TTLL11: variants seen among roughly 807,000 people sequenced by gnomAD.
The protein encoded by TTLL11 is tubulin tyrosine ligase like 11.
TTLL11 carries 42 observed loss-of-function variants against 51.7 expected under a neutral mutation model. The ratio of observed to expected loss-of-function variants is 0.81; its 90% CI spans 0.64 to 1.05. The LOEUF (loss-of-function observed/expected upper bound fraction) is 1.05, where lower values mean the gene tolerates loss of function less well. TTLL11 is among the 50% of genes least tolerant of loss of function. The probability of loss-of-function intolerance (pLI) is 0.00; values close to 1 mark genes in which losing one functional copy is unlikely to be tolerated. For synonymous variants in TTLL11, 381 were observed against 383.5 expected (o/e 0.99, Z 0.08); for missense variants, 799 against 940.4 (o/e 0.85, Z 1.97).
intron 8 of TTLL11, among the ~76,000 whole-genome samples, chr9:121,843,605 G>A (rs1837426406): frequency 6.6e-6 from 1 of 152,222 alleles, no homozygotes; most frequent in Non-Finnish European, 1.5e-5. Context: ...TTTGGAATAT[G>A]CCTAGAGCAC....
At chr9:121,940,559 C>G (rs567073038) in intron 6 of TTLL11, among the ~76,000 whole-genome samples, 1 of 151,970 alleles carries the variant, frequency 6.6e-6, no homozygotes, top group Non-Finnish European at 1.5e-5. Flanking sequence ...CACTATGTCT[C>G]GAACTCCTGA....
At chr9:122,049,651 T>C (rs1845107666) in intron 1 of TTLL11, among the ~76,000 whole-genome samples, 1 of 152,210 alleles carries the variant, frequency 6.6e-6, no homozygotes, top group South Asian at 2.1e-4. Context: ...AAAATAGTCA[T>C]GTTCAAATGA....
At chr9:122,057,854 G>A (rs758622749) in intron 1 of TTLL11, among the ~76,000 whole-genome samples, 14 of 152,120 alleles carry the variant, frequency 9.2e-5, no homozygotes, top group Non-Finnish European at 1.6e-4. Flanking sequence ...CATAAAAATA[G>A]TTATGCCCTT....
intron 7 of TTLL11, 84 bp downstream of exon 7, chr9:121,870,413 C>A: frequency 6.8e-7 from 1 of 1,472,984 alleles, no homozygotes; most frequent in South Asian, 1.4e-5. Context: ...CTCCCGAGCG[C>A]AGTCAGGGAG....
At position 121,857,364 on chromosome 9, in the gene TTLL11, C is replaced by T. The variant is rs1001823068; in HGVS notation, c.1840+2973G>A. Among the ~76,000 whole-genome samples, 3 of 152,270 alleles carry T rather than the reference C, an allele frequency of 2.0e-5. No homozygotes were observed. In the East Asian group the frequency reaches 5.8e-4, roughly 29 times the overall value. On this transcript the variant is annotated intron_variant, in intron 8 of 8. Transcript: ENST00000321582. ...TGTAGCCCTGGATGGGGGGAGAGCA[C>T]CCTGGGTGAGGAGGTAGGAGGACTG...
chr9:121,865,916 C>T (rs1838161063), intron 7 of TTLL11, among the ~76,000 whole-genome samples: 1 of 152,120 alleles, frequency 6.6e-6, no homozygotes, highest in Non-Finnish European at 1.5e-5. Context: ...GCATAATTCA[C>T]TCCGAAAACT....
In TTLL11 at chr9:121,823,980, G is replaced by A. The variant is rs571099185; in HGVS notation, c.1841-1101C>T. ...CACTTCTCTTTGCAGCACCGGCTGC[G>A]ACTTGCTCTGTGTCTATCTGTCTGT... On this transcript the variant is annotated intron_variant, in intron 8 of 8. Transcript: ENST00000321582. Among the ~76,000 whole-genome samples, 6 of 152,212 alleles carry A rather than the reference G, an allele frequency of 3.9e-5. No homozygotes were observed. The East Asian group carries it at 5.8e-4, about 15-fold the overall frequency.
chr9:122,081,523 A>G (rs1846005210), intron 1 of TTLL11, among the ~76,000 whole-genome samples: 1 of 152,276 alleles, frequency 6.6e-6, no homozygotes, highest in Non-Finnish European at 1.5e-5. Context: ...CTTACTGCAC[A>G]AAGCCAAAGT....
chr9:121,950,959 T>C (rs1473607814), intron 6 of TTLL11, among the ~76,000 whole-genome samples: 1 of 152,176 alleles, frequency 6.6e-6, no homozygotes, highest in African/African-American at 2.4e-5. Flanking sequence ...TTGATGATGA[T>C]GACGAGGGGA....
chr9:121,994,418 T>C (rs1005689402), intron 3 of TTLL11, among the ~76,000 whole-genome samples: 1 of 152,192 alleles, frequency 6.6e-6, no homozygotes, highest in African/African-American at 2.4e-5. Flanking sequence ...TGAGCACTTA[T>C]TATGGGTCAG....
At chr9:121,945,005 C>T (rs1333692933) in intron 6 of TTLL11, among the ~76,000 whole-genome samples, 1 of 152,158 alleles carries the variant, frequency 6.6e-6, no homozygotes, top group Non-Finnish European at 1.5e-5. Flanking sequence ...AAAAAAATAC[C>T]ATTAGTGTTT....
In TTLL11 at chr9:121,819,378, G is replaced by A. The variant is rs967749835; in HGVS notation, c.*3209C>T. 1 of 152,360 alleles carries A rather than the reference G, an allele frequency of 6.6e-6. No homozygotes were observed. The highest frequency in any genetic ancestry group is 1.5e-5 in the Non-Finnish European group (1 of 68,218). 9.4% of individuals were successfully genotyped at this position (152,360 alleles called of 1,614,324 possible). A position where few individuals can be genotyped will look rare whatever the true frequency, so the allele number is the denominator to read the frequency against. On this transcript the variant is annotated 3_prime_UTR_variant, in exon 9 of 9. Transcript: ENST00000321582. The stretch of plus-strand genomic sequence containing the variant: ...CCCAAAGAAAGGGTAGGTGGGCCCA[G>A]TTCTGTGGGTCTGTCCTGTTCTCCT...
At chr9:122,001,804 C>T (rs1054350452) in intron 3 of TTLL11, among the ~76,000 whole-genome samples, 6 of 152,200 alleles carry the variant, frequency 3.9e-5, no homozygotes, top group African/African-American at 1.4e-4. Context: ...GAACGGGACA[C>T]TCAGCCTGAT....
In TTLL11 at chr9:121,989,707, C is replaced by T; in HGVS notation, c.757G>A (p.Gly253Ser). Residue 253 changes from glycine (G) to serine (S), a missense_variant, in exon 4 of 9, where the codon GGT becomes AGT. Gly to Ser is a moderately conservative substitution (Grantham distance 56). This residue lies in a region of TTLL11 where 468 missense variants were observed against 612.8 expected (regional missense o/e 0.76). Coordinates refer to ENST00000321582, the MANE Select transcript of TTLL11 (RefSeq NM_001139442.2). The surrounding 1 kb of genome is among the most constrained non-coding windows in gnomAD (Gnocchi z 4.2). The stretch of plus-strand genomic sequence containing the variant: ...AGGTAGATTCCATCACCCTGACAAC[C>T]ACCATCAGGTTTCACGATAAAAGTG... ...KPTFIVKPDG[G>S]CQGDGIYLIK... is the part of the protein sequence containing the mutation. The T allele has an allele frequency of 3.1e-6, 5 of 1,613,356 alleles. No individual in the cohort carries two copies. Among genetic ancestry groups the T allele is most frequent in the Non-Finnish European group, 4.2e-6 (5 of 1,179,380 alleles).
chr9:122,037,040 C>T lies in TTLL11; in HGVS notation c.559+2232G>A, dbSNP rs556095070. On this transcript the variant is annotated intron_variant, in intron 2 of 8. Transcript: ENST00000321582. ...TTCTATCACCTTTATGAAACTAATC[C>T]TTTGTGGGTACTTCATTCTATATTT... Among the ~76,000 whole-genome samples, 10 of 152,224 alleles carry T rather than the reference C, an allele frequency of 6.6e-5. No individual in the cohort carries two copies. In the South Asian group the frequency reaches 1.9e-3, roughly 28 times the overall value.
intron 1 of TTLL11, among the ~76,000 whole-genome samples, chr9:122,069,406 G>T (rs1308793210): frequency 6.6e-6 from 1 of 152,210 alleles, no homozygotes; most frequent in Non-Finnish European, 1.5e-5. Context: ...GAAGGGGCTG[G>T]GCATGGTGGC....
At chr9:121,840,902 A>G (rs1490683609) in intron 8 of TTLL11, among the ~76,000 whole-genome samples, 2 of 152,226 alleles carry the variant, frequency 1.3e-5, no homozygotes, top group Non-Finnish European at 2.9e-5. Flanking sequence ...CCAAACATGA[A>G]TCAGGCACTG....
rs192745607 is a variant in TTLL11 at position 121,872,090 on chromosome 9, G to A, written c.1482-1342C>T. The stretch of plus-strand genomic sequence containing the variant: ...GGTACTGAGACGTGCTGCTGTTAAT[G>A]GTACCAAGGCCTGTTCTCTACTCCT... On this transcript the variant is annotated intron_variant, in intron 6 of 8. Transcript: ENST00000321582. Among the ~76,000 whole-genome samples, 3 of 152,346 alleles carry A rather than the reference G, an allele frequency of 2.0e-5. No homozygotes were observed. The East Asian group carries it at 5.8e-4, about 29-fold the overall frequency.
chr9:121,893,261 T>C (rs1839327590), intron 6 of TTLL11, among the ~76,000 whole-genome samples: 1 of 152,174 alleles, frequency 6.6e-6, no homozygotes, highest in African/African-American at 2.4e-5. Flanking sequence ...TTTATTCCAT[T>C]ACGTACCTAC....
Sources: gnomAD v4.1 joint callset for allele counts (sites outside exome capture counted in the v4.1 genomes callset) on GRCh38, gnomAD v4.1.1 for gene constraint, gnomAD v4.1.1 regional missense constraint, Gnocchi (gnomAD v3.1) non-coding constraint, MANE v1.5 for transcripts, NCBI Gene and HGNC (gene_info 2026-07-23, HGNC 2026-07-21) for gene names.